Variants in EIPR1 observed in about 807,000 individuals in gnomAD.
EIPR1 encodes the protein EARP complex and GARP complex interacting protein 1.
Under a neutral mutation model 48.1 loss-of-function variants are expected in EIPR1, and 25 were observed. That is an observed-to-expected ratio of 0.52 (90% CI 0.38 to 0.73). The LOEUF (loss-of-function observed/expected upper bound fraction) is 0.73. Among genes scored for constraint, EIPR1 ranks in the 30% least tolerant of loss-of-function variants. The pLI is 0.00. For synonymous variants in EIPR1, 204 were observed against 201.9 expected (o/e 1.01, Z -0.09); for missense variants, 415 against 506.2 (o/e 0.82, Z 1.73).
intron 3 of EIPR1, among the ~76,000 whole-genome samples, chr2:3,311,931 T>C (rs1259740403): frequency 6.6e-6 from 1 of 152,208 alleles, no homozygotes; most frequent in East Asian, 1.9e-4. Context: ...CAGCCTCTGC[T>C]GAATCCTGCG....
At chr2:3,336,862 AGG>A (rs1670064631) in intron 3 of EIPR1, among the ~76,000 whole-genome samples, 1 of 135,138 alleles carries the variant, frequency 7.4e-6, no homozygotes, top group Non-Finnish European at 1.6e-5. Flanking sequence ...AGGGAAGGGA[AGG>A]GAAAAGGGAA....
Position 3,276,012 on chromosome 2 carries a change from C to T in EIPR1, c.260-18557G>A, listed in dbSNP as rs553249245. Among the ~76,000 whole-genome samples, 12 of 152,238 alleles carry T rather than the reference C, an allele frequency of 7.9e-5. 1 individual carries two copies. In the South Asian group the frequency reaches 1.9e-3, roughly 24 times the overall value. ...TTTCTACTCTATTGCATCCAATGTA[C>T]CAATAACCTTAAGCAAATAAGTATT... is the stretch of plus-strand genomic sequence containing the variant. On this transcript the variant is annotated intron_variant, in intron 3 of 8. Transcript: ENST00000382125.
chr2:3,256,767 T>G (rs1262827578), intron 4 of EIPR1, among the ~76,000 whole-genome samples: 1 of 152,062 alleles, frequency 6.6e-6, no homozygotes, highest in Non-Finnish European at 1.5e-5. Context: ...GAATGACCAG[T>G]GGGTGCACAC....
intron 3 of EIPR1, among the ~76,000 whole-genome samples, chr2:3,278,749 C>G (rs1268944191): frequency 2.0e-4 from 31 of 152,128 alleles, no homozygotes. Flanking sequence ...AGGATTCAGG[C>G]AAGCCCGGAA....
intron 4 of EIPR1, among the ~76,000 whole-genome samples, chr2:3,238,156 A>G (rs1666476437): frequency 6.6e-6 from 1 of 152,190 alleles, no homozygotes; most frequent in African/African-American, 2.4e-5. Context: ...AGAAGAAAAA[A>G]ACCTCCAAGA....
At chr2:3,228,063 CT>C (rs1171875143) in intron 4 of EIPR1, among the ~76,000 whole-genome samples, 1 of 152,248 alleles carries the variant, frequency 6.6e-6, no homozygotes, top group Non-Finnish European at 1.5e-5. Flanking sequence ...CCTAGTGAAG[CT>C]GTGAGAAGAG....
At chr2:3,236,652 G>A (rs114607329) in intron 4 of EIPR1, among the ~76,000 whole-genome samples, 19 of 152,324 alleles carry the variant, frequency 1.2e-4, no homozygotes, top group South Asian at 8.3e-4. Flanking sequence ...CACCCAAGGC[G>A]TCTGCTCGGT....
chr2:3,344,162 C>T (rs1191861555), intron 2 of EIPR1, among the ~76,000 whole-genome samples: 4 of 152,240 alleles, frequency 2.6e-5, no homozygotes, highest in African/African-American at 4.8e-5. Context: ...GAGATTCCCT[C>T]GGCCGCTGAT....
intron 5 of EIPR1, among the ~76,000 whole-genome samples, chr2:3,198,540 A>C (rs1664889477): frequency 6.6e-6 from 1 of 152,118 alleles, no homozygotes; most frequent in Non-Finnish European, 1.5e-5. Flanking sequence ...TTATCGGGGG[A>C]ACCCACCCCC....
In EIPR1 at chr2:3,189,224, C is replaced by T; in HGVS notation, c.*110G>A. 8.2e-7 allele frequency: 1 copy of T among 1,215,460 alleles called. No individual in the cohort carries two copies. The highest frequency in any genetic ancestry group is 1.1e-6 in the Non-Finnish European group (1 of 903,756). The allele number at this position is 1,215,460 out of a possible 1,614,324, so 75.3% of individuals were successfully genotyped here. A position where few individuals can be genotyped will look rare whatever the true frequency, so the allele number is the denominator to read the frequency against. Reference sequence around the variant, plus strand: ...TACAGGAAGGGAACAGCGGCTCTCCCAGAGAGGGATCCACCTGGAACACGA... The same window carrying T: ...TACAGGAAGGGAACAGCGGCTCTCCTAGAGAGGGATCCACCTGGAACACGA... On this transcript the variant is annotated 3_prime_UTR_variant, in exon 9 of 9. Coordinates refer to ENST00000382125, the MANE Select transcript of EIPR1 (RefSeq NM_003310.5). This position sits in a 1 kb window ranked among gnomAD's most constrained non-coding sequence, Gnocchi z 4.6.
At chr2:3,232,621 C>T (rs1325832797) in intron 4 of EIPR1, among the ~76,000 whole-genome samples, 1 of 152,168 alleles carries the variant, frequency 6.6e-6, no homozygotes, top group Non-Finnish European at 1.5e-5. Context: ...CTTTTGCCTG[C>T]TTCACTGAGC....
chr2:3,343,760 G>GT (rs1670321492), intron 2 of EIPR1, among the ~76,000 whole-genome samples: 3 of 152,296 alleles, frequency 2.0e-5, no homozygotes, highest in East Asian at 1.9e-4. Context: ...ACAGCCCAGG[G>GT]CCAGGCTGCC....
chr2:3,314,270 G>A (rs1428014341), intron 3 of EIPR1, among the ~76,000 whole-genome samples: 1 of 152,120 alleles, frequency 6.6e-6, no homozygotes, highest in Non-Finnish European at 1.5e-5. Context: ...ATTGATTCCG[G>A]CTGCCGCTAA....
At chr2:3,329,237 CA>C (rs1366263883) in intron 3 of EIPR1, among the ~76,000 whole-genome samples, 55 of 127,338 alleles carry the variant, frequency 4.3e-4, no homozygotes, top group East Asian at 6.3e-4. Context: ...CTAGTGATCT[CA>C]GGGCACCAGC....
intron 3 of EIPR1, among the ~76,000 whole-genome samples, chr2:3,281,612 C>T (rs576369145): frequency 2.6e-5 from 4 of 152,142 alleles, no homozygotes; most frequent in South Asian, 4.1e-4. Context: ...TATACAGGAA[C>T]GCGTGCCTGG....
intron 3 of EIPR1, among the ~76,000 whole-genome samples, chr2:3,269,664 A>ACTCAATCATCGCAATCATCG (rs1667641117): frequency 1.3e-4 from 15 of 116,022 alleles, no homozygotes; most frequent in African/African-American, 4.7e-4. Flanking sequence ...CTCAATCATC[A>ACTCAATCATCGCAATCATCG]CACTCAATCA....
At chr2:3,369,752 C>T (rs1397320985) in intron 1 of EIPR1, among the ~76,000 whole-genome samples, 1 of 152,224 alleles carries the variant, frequency 6.6e-6, no homozygotes, top group East Asian at 1.9e-4. Context: ...CTGGGTGGAG[C>T]GCACCACAGC....
intron 3 of EIPR1, among the ~76,000 whole-genome samples, chr2:3,298,002 C>A (rs1243091770): frequency 6.6e-6 from 1 of 152,226 alleles, no homozygotes; most frequent in Non-Finnish European, 1.5e-5. Flanking sequence ...AATACTTTCT[C>A]AGTGCCTACT....
At chr2:3,272,122 T>TCCATG (rs1667718309) in intron 3 of EIPR1, among the ~76,000 whole-genome samples, 3 of 152,222 alleles carry the variant, frequency 2.0e-5, no homozygotes, top group African/African-American at 7.2e-5. Flanking sequence ...CTCACTCCTC[T>TCCATG]CAGCCTTCAT....
Sources: allele counts gnomAD v4.1 joint callset (sites outside exome capture counted in the v4.1 genomes callset), GRCh38; gene constraint gnomAD v4.1.1; non-coding constraint Gnocchi (gnomAD v3.1); transcripts MANE v1.5; gene names NCBI Gene and HGNC (gene_info 2026-07-23, HGNC 2026-07-21).